The following SEMA6A variants were observed in gnomAD, a reference collection of about 807,000 sequenced individuals.
SEMA6A encodes semaphorin 6A.
A neutral mutation model predicts 96.8 loss-of-function variants in SEMA6A; 25 were observed. That is an observed-to-expected ratio of 0.26 (90% confidence interval 0.19 to 0.36). SEMA6A has a LOEUF of 0.36. Among genes scored for constraint, SEMA6A ranks in the 10% least tolerant of loss-of-function variants. SEMA6A has a pLI of 1.00. For missense variants in SEMA6A, 1,363 were observed against 1,323.1 expected, an observed-to-expected ratio of 1.03 and a Z score of -0.47; for synonymous variants, 612 against 518.0, an observed-to-expected ratio of 1.18 and a Z score of -2.46.
intron 18 of SEMA6A, among the ~76,000 whole-genome samples, chr5:116,451,411 G>T (rs1754625039): frequency 6.6e-6 from 1 of 152,166 alleles, no homozygotes; most frequent in East Asian, 1.9e-4. Context: ...CCTTCTAAAT[G>T]TAGTCAAAAA....
Position 116,478,550 on chromosome 5 carries a change from G to A in SEMA6A, c.1419C>T (p.Asn473=). The A allele has an allele frequency of 1.2e-6, 2 of 1,610,154 alleles. No individual in the cohort carries two copies. The highest frequency in any genetic ancestry group is 8.5e-7 in the Non-Finnish European group (1 of 1,178,320). ...CCAAATATTCCACTTACTTTTCAGA[G>A]TTGTAAACACTCATCTCCTCCAGGA... ...SLFLEEMSVY[N]SEKCSYDGVE... is the part of the protein sequence containing the mutation. The change falls in exon 13 of 19, where the codon AAC becomes AAT. Residue 473 remains asparagine (N), a synonymous_variant. Transcript: ENST00000343348.
At position 116,447,298 on chromosome 5, in the gene SEMA6A, A is replaced by G; in HGVS notation, c.2408T>C (p.Leu803Pro). 1 of 1,613,814 alleles carries G rather than the reference A, an allele frequency of 6.2e-7. No homozygotes were observed. Among genetic ancestry groups the G allele is most frequent in the Non-Finnish European group, 8.5e-7 (1 of 1,179,892 alleles). ...PMGSPVIPTD[L>P]PLRASPSHIP... Reference sequence around the variant, plus strand: ...GTGGCTGGGGGAGGCCCGCAGGGGCAGGTCCGTGGGAATCACAGGGGAGCC... The same window carrying G: ...GTGGCTGGGGGAGGCCCGCAGGGGCGGGTCCGTGGGAATCACAGGGGAGCC... The change falls in exon 19 of 19, where the codon CTG becomes CCG. Residue 803 changes from leucine to proline, a missense_variant. Coordinates refer to ENST00000343348, the MANE Select transcript of SEMA6A (RefSeq NM_020796.5).
chr5:116,464,756 A>T (rs779309326), intron 18 of SEMA6A, among the ~76,000 whole-genome samples: 19 of 152,372 alleles, frequency 1.2e-4, no homozygotes, highest in South Asian at 6.2e-4. Flanking sequence ...CAAGGAAAAG[A>T]AAGAAAAACG....
chr5:116,480,124 G>A lies in SEMA6A; in HGVS notation c.1248C>T (p.Val416=). The A allele has an allele frequency of 6.2e-7, 1 of 1,613,678 alleles. No homozygotes were observed. The highest frequency in any genetic ancestry group is 2.2e-5 in the East Asian group (1 of 44,876). Reference sequence around the variant, plus strand: ...GACACGGTTTGTTTGACACCCACCTGACCATTGTTCTCAGGAACCATGGCC... The same window carrying A: ...GACACGGTTTGTTTGACACCCACCTAACCATTGTTCTCAGGAACCATGGCC... ...FNRPWFLRTM[V]RYRLTKIAVD... is the part of the protein sequence containing the mutation. The change falls in exon 12 of 19, where the codon GTC becomes GTT. Residue 416 remains valine, a splice_region_variant and synonymous_variant. Transcript: ENST00000343348.
chr5:116,484,388 T>A (rs1424167207), intron 10 of SEMA6A, among the ~76,000 whole-genome samples: 1 of 152,132 alleles, frequency 6.6e-6, no homozygotes, highest in Non-Finnish European at 1.5e-5. Context: ...TTTCCTTCAT[T>A]CCTTCCCATC....
chr5:116,477,964 T>C (rs371436437), intron 14 of SEMA6A, 38 bp from the exon 15 acceptor site: 2 of 1,613,672 alleles, frequency 1.2e-6, no homozygotes, highest in Non-Finnish European at 1.7e-6. Flanking sequence ...CCTAGGACTG[T>C]TTCCTAGCCA....
intron 17 of SEMA6A, among the ~76,000 whole-genome samples, chr5:116,469,870 G>T (rs1357305451): frequency 6.6e-6 from 1 of 152,162 alleles, no homozygotes. Flanking sequence ...TGGTAGTTAG[G>T]TAAGAGAATG....
chr5:116,510,132 A>C (rs1442096133), intron 1 of SEMA6A, among the ~76,000 whole-genome samples: 1 of 152,132 alleles, frequency 6.6e-6, no homozygotes, highest in Non-Finnish European at 1.5e-5. Flanking sequence ...GAGAGCAAAG[A>C]AATCCCAGCA....
rs780614512 is a variant in SEMA6A, at chr5:116,446,611, G to A, written c.*2C>T. On this transcript the variant is annotated 3_prime_UTR_variant, in exon 19 of 19. Transcript: ENST00000343348. ...TCGACACCTGACCCCCTCCCCCTGGGATTATGTACACGCATCATTGGGCTT... is the reference window on the plus strand; with the variant it reads ...TCGACACCTGACCCCCTCCCCCTGGAATTATGTACACGCATCATTGGGCTT... 8 of 1,479,254 alleles carry A rather than the reference G, an allele frequency of 5.4e-6. No individual in the cohort carries two copies. Among genetic ancestry groups the A allele is most frequent in the Non-Finnish European group, 7.2e-6 (8 of 1,113,008 alleles). The allele number at this position is 1,479,254 out of a possible 1,614,324, so 91.6% of individuals were successfully genotyped here. A position where few individuals can be genotyped will look rare whatever the true frequency, so the allele number is the denominator to read the frequency against.
intron 1 of SEMA6A, among the ~76,000 whole-genome samples, chr5:116,512,759 T>C (rs1333783118): frequency 1.3e-5 from 2 of 151,798 alleles, no homozygotes; most frequent in Non-Finnish European, 2.9e-5. Flanking sequence ...TGCACATTTA[T>C]TGCACTTTAC....
chr5:116,477,296 T>C (rs1756504141), intron 15 of SEMA6A, among the ~76,000 whole-genome samples: 1 of 152,248 alleles, frequency 6.6e-6, no homozygotes, highest in Admixed American at 6.5e-5. Context: ...ATCTAGCTGA[T>C]CTGTTGGAGA....
intron 11 of SEMA6A, among the ~76,000 whole-genome samples, chr5:116,481,020 G>A (rs1334378842): frequency 1.3e-5 from 2 of 152,256 alleles, no homozygotes; most frequent in Admixed American, 1.3e-4. Flanking sequence ...TGCCTGGGTG[G>A]TGCAGAAGAG....
At chr5:116,476,187 C>CT (rs1756438561) in intron 15 of SEMA6A, among the ~76,000 whole-genome samples, 1 of 152,166 alleles carries the variant, frequency 6.6e-6, no homozygotes. Context: ...CTCTCATTCT[C>CT]TTTGACATGC....
At chr5:116,464,745 G>A (rs1209947542) in intron 18 of SEMA6A, among the ~76,000 whole-genome samples, 1 of 152,198 alleles carries the variant, frequency 6.6e-6, no homozygotes, top group East Asian at 1.9e-4. Context: ...GAAAGACATA[G>A]CAAGGAAAAG....
At chr5:116,546,915 AG>A (rs1760213015) in intron 1 of SEMA6A, among the ~76,000 whole-genome samples, 3 of 152,238 alleles carry the variant, frequency 2.0e-5, no homozygotes, top group Admixed American at 2.0e-4. Flanking sequence ...CACAGGCTTC[AG>A]CCTGATAAGC....
intron 18 of SEMA6A, among the ~76,000 whole-genome samples, chr5:116,454,516 A>C (rs910288019): frequency 6.6e-6 from 1 of 152,128 alleles, no homozygotes; most frequent in Non-Finnish European, 1.5e-5. Context: ...CGCTAACCAC[A>C]CAGGGCCCGC....
At chr5:116,482,257 G>A (rs1756818260) in intron 11 of SEMA6A, among the ~76,000 whole-genome samples, 187 bp downstream of exon 11, 1 of 152,166 alleles carries the variant, frequency 6.6e-6, no homozygotes, top group South Asian at 2.1e-4. Flanking sequence ...AGGTTAAGCA[G>A]AAGACTAGAG....
chr5:116,554,146 A>G (rs1251727350), intron 1 of SEMA6A, among the ~76,000 whole-genome samples: 1 of 152,232 alleles, frequency 6.6e-6, no homozygotes, highest in Non-Finnish European at 1.5e-5. Context: ...TTGTAAAACT[A>G]CATCCTGCCT....
rs780807414 is a variant in SEMA6A, at chr5:116,446,888, T to C, written c.2818A>G (p.Asn940Asp). The C allele has an allele frequency of 6.2e-7, 1 of 1,613,868 alleles. No individual in the cohort carries two copies. Among genetic ancestry groups the C allele is most frequent in the South Asian group, 1.1e-5 (1 of 91,066 alleles). The change falls in exon 19 of 19, where the codon AAC becomes GAC. Residue 940 changes from asparagine to aspartate, a missense_variant. Physicochemically the swap from Asn to Asp is conservative, Grantham distance 23. Coordinates refer to ENST00000343348, the MANE Select transcript of SEMA6A (RefSeq NM_020796.5). ...GAGAGGTGAGAGGAATTGGAGGAGT[T>C]AGTGTTGTTTCTTTTGAGAGTGGTG... ...QATTLKRNNT[N>D]SSNSSHLSRN...
Sources: gnomAD v4.1 joint callset for allele counts (sites outside exome capture counted in the v4.1 genomes callset) on GRCh38, gnomAD v4.1.1 for gene constraint, MANE v1.5 for transcripts, NCBI Gene and HGNC (gene_info 2026-07-23, HGNC 2026-07-21) for gene names.